Variants in SERINC5 observed in about 807,000 individuals in gnomAD.
The protein encoded by SERINC5 is chromosome 5 open reading frame 12.
In SERINC5, 41 loss-of-function variants were observed where a neutral mutation model predicts 63.1. The observed-to-expected ratio is 0.65, with a 90% confidence interval of 0.51 to 0.84. The LOEUF is 0.84. Among genes scored for constraint, SERINC5 ranks in the 40% least tolerant of loss-of-function variants. SERINC5 has a pLI of 0.00. For missense variants in SERINC5, 523 were observed against 573.0 expected (o/e 0.91, Z 0.89); for synonymous variants, 222 against 215.2 (o/e 1.03, Z -0.28).
At chr5:80,167,779 C>T (rs1056266196) in intron 6 of SERINC5, among the ~76,000 whole-genome samples, 23 of 152,264 alleles carry the variant, frequency 1.5e-4, no homozygotes, top group African/African-American at 5.3e-4. Flanking sequence ...GGGTTCAGAT[C>T]CTTCAGAGTA....
At chr5:80,151,103 C>T (rs1444836434) in intron 8 of SERINC5, among the ~76,000 whole-genome samples, 155 bp from the exon 9 acceptor site, 1 of 152,200 alleles carries the variant, frequency 6.6e-6, no homozygotes, top group African/African-American at 2.4e-5. Context: ...AATACCTCTC[C>T]TTATTCCAAA....
intron 5 of SERINC5, among the ~76,000 whole-genome samples, chr5:80,173,247 AAG>A (rs1747786209): frequency 6.9e-6 from 1 of 145,786 alleles, no homozygotes; most frequent in African/African-American, 2.7e-5. Flanking sequence ...GGAAGGAAGG[AAG>A]GAAGGAAGGA....
intron 2 of SERINC5, among the ~76,000 whole-genome samples, chr5:80,187,589 G>T (rs1748891767): frequency 6.6e-6 from 1 of 152,168 alleles, no homozygotes; most frequent in Non-Finnish European, 1.5e-5. Flanking sequence ...GATTGCCTTT[G>T]AGGCCCTTTG....
At chr5:80,243,343 A>G (rs1205862483) in intron 1 of SERINC5, among the ~76,000 whole-genome samples, 1 of 152,300 alleles carries the variant, frequency 6.6e-6, no homozygotes, top group East Asian at 1.9e-4. Context: ...TCTGATTTGC[A>G]TCCCTTCAAC....
intron 1 of SERINC5, among the ~76,000 whole-genome samples, chr5:80,212,824 G>GT (rs1750497735): frequency 6.6e-6 from 1 of 152,220 alleles, no homozygotes; most frequent in Non-Finnish European, 1.5e-5. Context: ...AACAAACAGT[G>GT]TAACTGCAGG....
chr5:80,117,449 G>A (rs1744378311), intron 11 of SERINC5, among the ~76,000 whole-genome samples: 1 of 151,970 alleles, frequency 6.6e-6, no homozygotes, highest in Admixed American at 6.6e-5. Flanking sequence ...ATGTAAGTTG[G>A]ACACAAGAGA....
intron 1 of SERINC5, among the ~76,000 whole-genome samples, chr5:80,239,177 G>C (rs1399544805): frequency 6.6e-6 from 1 of 152,172 alleles, no homozygotes; most frequent in Non-Finnish European, 1.5e-5. Flanking sequence ...CCCATGGACA[G>C]CCCATAAGCC....
intron 4 of SERINC5, among the ~76,000 whole-genome samples, chr5:80,176,307 G>A (rs62364011): frequency 0.39 from 59,291 of 152,098 alleles, 13,596 homozygotes; most frequent in African/African-American, 0.63. Flanking sequence ...CAGTATTTTA[G>A]GTAACAGCAA....
chr5:80,218,235 G>A (rs1454646296), intron 1 of SERINC5, among the ~76,000 whole-genome samples: 1 of 152,168 alleles, frequency 6.6e-6, no homozygotes, highest in Non-Finnish European at 1.5e-5. Flanking sequence ...TTAACCCTGG[G>A]GTGGCCACAA....
chr5:80,157,967 A>G (rs1163467614), intron 8 of SERINC5: 1 of 152,220 alleles, frequency 6.6e-6, no homozygotes, highest in African/African-American at 2.4e-5. Flanking sequence ...AAGACATTAT[A>G]TTTATACAAG....
chr5:80,186,075 T>G lies in SERINC5; in HGVS notation c.196-8011A>C, dbSNP rs1250183444. ...TAGAATTAGTAGATGCTCTATTCACTTTACCAAAGGATCTACTACCTTTGG... is the reference window on the plus strand; with the variant it reads ...TAGAATTAGTAGATGCTCTATTCACGTTACCAAAGGATCTACTACCTTTGG... On this transcript the variant is annotated intron_variant, in intron 2 of 11. Transcript: ENST00000507668. Among the ~76,000 whole-genome samples, 4 of 144,700 alleles carry G rather than the reference T, an allele frequency of 2.8e-5. No individual in the cohort carries two copies. In the East Asian group the frequency reaches 8.1e-4, roughly 29 times the overall value. The allele number at this position is 144,700 out of a possible 152,430, so 94.9% of individuals were successfully genotyped here. A position where few individuals can be genotyped will look rare whatever the true frequency, so the allele number is the denominator to read the frequency against.
intron 1 of SERINC5, among the ~76,000 whole-genome samples, chr5:80,225,556 A>G (rs1751129896): frequency 6.6e-6 from 1 of 152,174 alleles, no homozygotes; most frequent in South Asian, 2.1e-4. Context: ...TTTGGAACTC[A>G]TTCTCCTTCT....
At chr5:80,186,312 AT>A (rs1420705421) in intron 2 of SERINC5, among the ~76,000 whole-genome samples, 1 of 151,708 alleles carries the variant, frequency 6.6e-6, no homozygotes, top group Non-Finnish European at 1.5e-5. Context: ...AACTTTTTGT[AT>A]TTTTAGTAGA....
chr5:80,216,941 A>AT (rs1750694722), intron 1 of SERINC5, among the ~76,000 whole-genome samples: 1 of 152,052 alleles, frequency 6.6e-6, no homozygotes, highest in African/African-American at 2.4e-5. Flanking sequence ...AGCCCAGAAG[A>AT]TTGAGGTTAC....
At chr5:80,145,885 A>AT (rs1430975362) in intron 11 of SERINC5, among the ~76,000 whole-genome samples, 2 of 152,160 alleles carry the variant, frequency 1.3e-5, no homozygotes, top group African/African-American at 4.8e-5. Context: ...TGGTACATGC[A>AT]TGTAATCCCA....
chr5:80,206,564 G>A (rs1750175771), intron 1 of SERINC5, among the ~76,000 whole-genome samples: 1 of 152,044 alleles, frequency 6.6e-6, no homozygotes, highest in African/African-American at 2.4e-5. Flanking sequence ...CATTCTACTC[G>A]GGCTGAGATA....
intron 1 of SERINC5, among the ~76,000 whole-genome samples, chr5:80,224,945 GTT>G (rs368546307): frequency 7.5e-6 from 1 of 132,598 alleles, no homozygotes. Flanking sequence ...GTTTTTTTTT[GTT>G]TTTTTTTTTT....
chr5:80,190,618 T>C (rs962237584), intron 2 of SERINC5, among the ~76,000 whole-genome samples: 4 of 152,218 alleles, frequency 2.6e-5, no homozygotes, highest in Admixed American at 6.5e-5. Flanking sequence ...GTTCTACTAG[T>C]GAAATGCTGT....
chr5:80,141,623 G>A lies in SERINC5; in HGVS notation c.*2040C>T. On this transcript the variant is annotated 3_prime_UTR_variant, in exon 12 of 12. Transcript: ENST00000507668. ...GGTGTTTCCTAAAGACAACCCCCAAGGCCCTAGGCCACTGCAACACAGCTA... is the reference window on the plus strand; with the variant it reads ...GGTGTTTCCTAAAGACAACCCCCAAAGCCCTAGGCCACTGCAACACAGCTA... 3.0e-6 allele frequency: 3 copies of A among 985,470 alleles called. No homozygotes were observed. The South Asian group carries it at 1.4e-4, about 46-fold the overall frequency. The allele number at this position is 985,470 out of a possible 1,614,324, so 61.0% of individuals were successfully genotyped here.
Sources: allele counts gnomAD v4.1 joint callset (sites outside exome capture counted in the v4.1 genomes callset), GRCh38; gene constraint gnomAD v4.1.1; transcripts MANE v1.5; gene names NCBI Gene and HGNC (gene_info 2026-07-23, HGNC 2026-07-21).